Variants in CHD1L observed in about 807,000 individuals in gnomAD.
CHD1L encodes chromodomain helicase DNA binding protein 1 like.
CHD1L carries 118 observed loss-of-function variants against 115.9 expected under a neutral mutation model. That is an observed-to-expected ratio of 1.02 (90% CI 0.88 to 1.19). CHD1L has a LOEUF of 1.19. Among genes scored for constraint, CHD1L ranks in the 50% most tolerant of loss-of-function variants. The pLI is 0.00. For missense variants in CHD1L, 1,179 were observed against 1,065.3 expected (o/e 1.11, Z -1.49); for synonymous variants, 411 against 387.1 (o/e 1.06, Z -0.72).
At chr1:147,187,278 CAAT>C in the CHD1L span, 1 of 1,483,346 alleles carries the variant, frequency 6.7e-7, no homozygotes, top group South Asian at 1.3e-5. Context: ...CATGGCCTGT[CAAT>C]AATTCAATCA....
chr1:147,264,716 T>C (rs781933090), intron 7 of CHD1L, 132 bp downstream of exon 7: 100 of 834,576 alleles, frequency 1.2e-4, no homozygotes, highest in Non-Finnish European at 1.6e-4. Context: ...AGACCGCTGA[T>C]ATTAGGGAGA....
At chr1:147,218,029 A>C in the CHD1L span, among the ~76,000 whole-genome samples, 1 of 152,224 alleles carries the variant, frequency 6.6e-6, no homozygotes, top group Non-Finnish European at 1.5e-5. Flanking sequence ...TGCATAAGAA[A>C]ACTAATAAAA....
chr1:147,213,280 G>C, the CHD1L span: 1 of 1,583,386 alleles, frequency 6.3e-7, no homozygotes, highest in Non-Finnish European at 8.6e-7. Context: ...CATGGGTCAA[G>C]GGTCTTCCTT....
At chr1:147,259,780 A>G in intron 5 of CHD1L, 57 bp from the exon 6 acceptor site, 4 of 1,432,218 alleles carry the variant, frequency 2.8e-6, no homozygotes, top group South Asian at 1.2e-5. Flanking sequence ...AAGACTTTTG[A>G]TTGTGAAATA....
At chr1:147,225,001 C>G in the CHD1L span, 1 of 1,614,062 alleles carries the variant, frequency 6.2e-7, no homozygotes, top group South Asian at 1.1e-5. Context: ...CACTCCTCCC[C>G]CAATCACAGC....
chr1:147,265,136 C>T (rs1673376844), intron 7 of CHD1L, among the ~76,000 whole-genome samples: 1 of 151,108 alleles, frequency 6.6e-6, no homozygotes, highest in African/African-American at 2.4e-5. Flanking sequence ...GATGATTTTT[C>T]AAAACAGGTA....
At chr1:147,205,421 T>G in the CHD1L span, among the ~76,000 whole-genome samples, 2 of 152,174 alleles carry the variant, frequency 1.3e-5, no homozygotes, top group South Asian at 4.1e-4. Context: ...AAGATCAACA[T>G]GTCCTATGTA....
intron 22 of CHD1L, 50 bp from the exon 23 acceptor site, chr1:147,295,380 TA>T: frequency 1.6e-6 from 2 of 1,257,150 alleles, no homozygotes; most frequent in South Asian, 1.2e-5. Context: ...GTCGTTTTGG[TA>T]AAGTTGGTTT....
the CHD1L span, among the ~76,000 whole-genome samples, chr1:147,227,562 C>T: frequency 6.6e-6 from 1 of 152,162 alleles, no homozygotes. Flanking sequence ...CTCTCTCTTG[C>T]CTAGCTGACA....
intron 15 of CHD1L, 102 bp from the exon 16 acceptor site, chr1:147,284,249 A>G (rs1682132490): frequency 4.3e-6 from 4 of 926,726 alleles, no homozygotes; most frequent in Non-Finnish European, 6.5e-6. Flanking sequence ...CCCATTTAGA[A>G]TATAGGCTGT....
the CHD1L span, among the ~76,000 whole-genome samples, chr1:147,236,376 T>C: frequency 6.6e-6 from 1 of 152,230 alleles, no homozygotes; most frequent in Non-Finnish European, 1.5e-5. Context: ...CTGTTTGTGT[T>C]ACAACTCTTT....
chr1:147,223,918 T>G, the CHD1L span: 6 of 366,080 alleles, frequency 1.6e-5, no homozygotes, highest in Admixed American at 2.1e-4. Flanking sequence ...AGAAGAAAGC[T>G]GCTAGCAAAG....
chr1:147,254,955 A>G lies in CHD1L; in HGVS notation c.326A>G (p.Asn109Ser). The change falls in exon 3 of 23, where the codon AAC becomes AGC. Residue 109 changes from asparagine (N) to serine (S), a missense_variant. Transcript: ENST00000369258. ...CTTTGTCCCTTGTCTGTTTTGAGCA[A>G]CTGGAAAGAAGAAATGCAGAGGTAC... ...LILCPLSVLS[N>S]WKEEMQRFAP... 1 of 1,604,416 alleles carries G rather than the reference A, an allele frequency of 6.2e-7. No individual in the cohort carries two copies. Among genetic ancestry groups the G allele is most frequent in the South Asian group, 1.1e-5 (1 of 89,004 alleles).
chr1:147,271,088 A>T, intron 11 of CHD1L, 83 bp downstream of exon 11: 2 of 1,151,036 alleles, frequency 1.7e-6, no homozygotes, highest in Non-Finnish European at 2.6e-6. Context: ...AATATGGGAT[A>T]TGAGAATATT....
chr1:147,199,468 G>A, the CHD1L span, among the ~76,000 whole-genome samples: 2 of 152,258 alleles, frequency 1.3e-5, no homozygotes, highest in South Asian at 2.1e-4. Context: ...AGCATAGGAA[G>A]CTGGGCTTTT....
intron 5 of CHD1L, among the ~76,000 whole-genome samples, chr1:147,258,629 G>T (rs982454853): frequency 2.6e-4 from 39 of 152,236 alleles, no homozygotes; most frequent in Admixed American, 1.6e-3. Context: ...CTCTCAGTAG[G>T]TGAATGGTAA....
intron 1 of CHD1L, among the ~76,000 whole-genome samples, chr1:147,244,401 C>G (rs1447693197): frequency 6.6e-6 from 1 of 152,090 alleles, no homozygotes; most frequent in African/African-American, 2.4e-5. Flanking sequence ...AATATTATAA[C>G]TTGTAATTTC....
chr1:147,224,762 G>A, the CHD1L span: 2 of 760,290 alleles, frequency 2.6e-6, no homozygotes, highest in South Asian at 1.7e-5. Flanking sequence ...CGCCCGCCTC[G>A]GCCTCCCAAA....
the CHD1L span, chr1:147,203,126 T>TTTTTC: frequency 7.9e-6 from 4 of 507,158 alleles, no homozygotes; most frequent in African/African-American, 7.8e-5. Context: ...TTTTTTTTTT[T>TTTTTC]GACAGTAACA....
Sources: gnomAD v4.1 joint callset for allele counts (sites outside exome capture counted in the v4.1 genomes callset) on GRCh38, gnomAD v4.1.1 for gene constraint, MANE v1.5 for transcripts, NCBI Gene and HGNC (gene_info 2026-07-23, HGNC 2026-07-21) for gene names.